ZFP91: variants seen among roughly 807,000 people sequenced by gnomAD.
ZFP91 encodes E3 ubiquitin-protein ligase ZFP91.
ZFP91 carries 7 observed loss-of-function variants against 63.5 expected under a neutral mutation model. The observed-to-expected ratio is 0.11, with a 90% confidence interval of 0.06 to 0.21. The LOEUF is 0.21. Among genes scored for constraint, ZFP91 ranks in the 10% least tolerant of loss-of-function variants. The pLI, the probability that ZFP91 is intolerant of heterozygous loss-of-function variation, is 1.00. For synonymous variants in ZFP91, 330 were observed against 272.1 expected (o/e 1.21, Z -2.10); for missense variants, 628 against 736.6 (o/e 0.85, Z 1.71).
intron 9 of ZFP91, among the ~76,000 whole-genome samples, chr11:58,614,668 A>G (rs1372669915): frequency 6.6e-6 from 1 of 152,144 alleles, no homozygotes; most frequent in South Asian, 2.1e-4. Context: ...ATTTGTTTAT[A>G]TTGATCTTAT....
chr11:58,611,210 A>T (rs1855656259), intron 5 of ZFP91, 156 bp downstream of exon 5: 1 of 557,508 alleles, frequency 1.8e-6, no homozygotes, highest in African/African-American at 1.9e-5. Context: ...TAACACCTTA[A>T]TATACCCTGA....
chr11:58,597,916 A>ACTAGT (rs1219311472), intron 2 of ZFP91, among the ~76,000 whole-genome samples: 1 of 152,066 alleles, frequency 6.6e-6, no homozygotes, highest in Non-Finnish European at 1.5e-5. Flanking sequence ...GGCAACTCTT[A>ACTAGT]TGGGTCCCGT....
chr11:58,596,757 C>T lies in ZFP91; in HGVS notation c.370+11873C>T, dbSNP rs377740745. On this transcript the variant is annotated intron_variant, in intron 2 of 10. Coordinates refer to ENST00000316059, the MANE Select transcript of ZFP91 (RefSeq NM_053023.5). ...TCTTTCATGATTTCCTTGATTGGCT[C>T]TGCCATAAATCCTGTGAAGTCATGC... is the stretch of plus-strand genomic sequence containing the variant. 1.3e-4 allele frequency among the ~76,000 whole-genome samples: 20 copies of T among 150,098 alleles called. No individual in the cohort carries two copies. In the South Asian group the frequency reaches 4.0e-3, roughly 30 times the overall value.
chr11:58,579,371 A>G lies in ZFP91; in HGVS notation c.90A>G (p.Gln30=). ...CCAAGGCGGCTCCGGAGGAGCCCCA[A>G]CAACGGCCCCCTGAGGCGGTCGCGG... The part of the protein sequence containing the change: ...EAAKAAPEEP[Q]QRPPEAVAAA... Residue 30 remains glutamine, a synonymous_variant, in exon 1 of 11, where the codon CAA becomes CAG. Transcript: ENST00000316059. The G allele has an allele frequency of 6.7e-7, 1 of 1,491,584 alleles. No homozygotes were observed. Among genetic ancestry groups the G allele is most frequent in the Non-Finnish European group, 8.9e-7 (1 of 1,125,216 alleles). The allele number at this position is 1,491,584 out of a possible 1,614,324, so 92.4% of individuals were successfully genotyped here.
intron 2 of ZFP91, among the ~76,000 whole-genome samples, chr11:58,605,317 GA>G (rs1855553407): frequency 6.6e-6 from 1 of 152,152 alleles, no homozygotes; most frequent in South Asian, 2.1e-4. Flanking sequence ...CATGTAGGGA[GA>G]AAAAGGAGTT....
intron 2 of ZFP91, among the ~76,000 whole-genome samples, chr11:58,596,728 A>G (rs1156935417): frequency 6.7e-6 from 1 of 150,204 alleles, no homozygotes; most frequent in African/African-American, 2.5e-5. Context: ...CCATATTCAC[A>G]ATCTCTTTCA....
chr11:58,600,193 CT>C (rs1855470100), intron 2 of ZFP91, among the ~76,000 whole-genome samples: 2 of 113,118 alleles, frequency 1.8e-5, no homozygotes, highest in African/African-American at 6.7e-5. Context: ...TTCCTGTGAA[CT>C]TTAGGATTGG....
chr11:58,594,729 C>T (rs532582448), intron 2 of ZFP91, among the ~76,000 whole-genome samples: 1 of 152,228 alleles, frequency 6.6e-6, no homozygotes, highest in South Asian at 2.1e-4. Flanking sequence ...AAAATCTAGG[C>T]ATTAATACAC....
chr11:58,603,419 G>A (rs1464599166), intron 2 of ZFP91, among the ~76,000 whole-genome samples: 1 of 152,200 alleles, frequency 6.6e-6, no homozygotes, highest in Non-Finnish European at 1.5e-5. Flanking sequence ...ATAACTTGTG[G>A]ATCGAATCAG....
chr11:58,599,689 TTC>T (rs1378334980), intron 2 of ZFP91, among the ~76,000 whole-genome samples: 1 of 152,096 alleles, frequency 6.6e-6, no homozygotes, highest in Non-Finnish European at 1.5e-5. Flanking sequence ...ATTGGGTTGT[TTC>T]TCTTTTTGTT....
intron 2 of ZFP91, among the ~76,000 whole-genome samples, chr11:58,597,279 A>G (rs2134403419): frequency 6.6e-6 from 1 of 152,298 alleles, no homozygotes; most frequent in Admixed American, 6.5e-5. Context: ...TTTACACAAA[A>G]CAGTGGAGTT....
At chr11:58,614,375 A>G (rs1300744428) in intron 9 of ZFP91, 32 bp downstream of exon 9, 3 of 1,486,278 alleles carry the variant, frequency 2.0e-6, no homozygotes, top group East Asian at 4.6e-5. Context: ...CAAGTAGGTA[A>G]TTGCACTGTG....
chr11:58,587,237 A>C lies in ZFP91; in HGVS notation c.370+2353A>C, dbSNP rs1855226616. ...AAACAAATGGAAAGCTACTATGCTA[A>C]AATAGTGTTAATTCATTCAACAGGT... On this transcript the variant is annotated intron_variant, in intron 2 of 10. Transcript: ENST00000316059. Among the ~76,000 whole-genome samples the C allele has an allele frequency of 2.6e-5, 4 of 152,320 alleles. No homozygotes were observed. In the South Asian group the frequency reaches 8.3e-4, roughly 32 times the overall value.
rs527376275 is a variant in ZFP91 at position 58,584,276 on chromosome 11, T to G, written c.342-580T>G. ...AACAATTTTAGGGTCTTTTTAACAC[T>G]TCATTGAGTTTTTATTATGAAAATT... On this transcript the variant is annotated intron_variant, in intron 1 of 10. Transcript: ENST00000316059. Among the ~76,000 whole-genome samples the G allele has an allele frequency of 1.9e-3, 284 of 152,240 alleles. 2 individuals carry two copies. The highest frequency in any genetic ancestry group is 6.4e-3 in the African/African-American group (267 of 41,572).
rs1590603308 is a variant in ZFP91 at position 58,579,109 on chromosome 11, AG to A, written c.-168del. 3.2e-6 allele frequency: 1 copy of A among 311,682 alleles called. No homozygotes were observed. The highest frequency in any genetic ancestry group is 4.7e-6 in the Non-Finnish European group (1 of 210,948). 19.3% of individuals were successfully genotyped at this position (311,682 alleles called of 1,614,324 possible). On this transcript the variant is annotated 5_prime_UTR_variant, in exon 1 of 11. Coordinates refer to ENST00000316059, the MANE Select transcript of ZFP91 (RefSeq NM_053023.5). ...CCAGCGGTAGCGGACCTTGAGTGGCAGGGGGTGGGGGGGGCGCCCTCGGAGC... is the reference window on the plus strand; with the variant it reads ...CCAGCGGTAGCGGACCTTGAGTGGCAGGGGTGGGGGGGGCGCCCTCGGAGC...
chr11:58,579,347 C>G lies in ZFP91; in HGVS notation c.66C>G (p.Ala22=), dbSNP rs1045904744. Residue 22 remains alanine, a synonymous_variant, in exon 1 of 11, where the codon GCC becomes GCG. Coordinates refer to ENST00000316059, the MANE Select transcript of ZFP91 (RefSeq NM_053023.5). The part of the protein sequence containing the change: ...EQQDQEGGEA[A]KAAPEEPQQR... ...AGGACCAGGAAGGGGGAGAGGCGGC[C>G]AAGGCGGCTCCGGAGGAGCCCCAAC... 2 of 1,494,932 alleles carry G rather than the reference C, an allele frequency of 1.3e-6. No individual in the cohort carries two copies. Among genetic ancestry groups the G allele is most frequent in the African/African-American group, 2.9e-5 (2 of 67,902 alleles). The allele number at this position is 1,494,932 out of a possible 1,614,324, so 92.6% of individuals were successfully genotyped here.
intron 2 of ZFP91, among the ~76,000 whole-genome samples, chr11:58,590,214 A>T (rs955219292): frequency 6.6e-6 from 1 of 152,220 alleles, no homozygotes; most frequent in Non-Finnish European, 1.5e-5. Flanking sequence ...GTGGATAAGA[A>T]TCTGTGACAA....
At chr11:58,613,240 G>T (rs185512870) in intron 8 of ZFP91, among the ~76,000 whole-genome samples, 1 of 152,224 alleles carries the variant, frequency 6.6e-6, no homozygotes, top group East Asian at 1.9e-4. Flanking sequence ...CAAAAGCATG[G>T]TGCCCACATC....
chr11:58,610,395 A>G, intron 4 of ZFP91, 61 bp downstream of exon 4: 1 of 1,450,334 alleles, frequency 6.9e-7, no homozygotes, highest in Non-Finnish European at 9.2e-7. Context: ...GTCACAGTAA[A>G]TGATTCAGAA....
Sources: gnomAD v4.1 joint callset for allele counts (sites outside exome capture counted in the v4.1 genomes callset) on GRCh38, gnomAD v4.1.1 for gene constraint, MANE v1.5 for transcripts, NCBI Gene and HGNC (gene_info 2026-07-23, HGNC 2026-07-21) for gene names.